KCNH8: variants seen among roughly 807,000 people sequenced by gnomAD.
KCNH8 encodes potassium voltage-gated channel subfamily H member 8, also known as voltage-gated delayed rectifier potassium channel KCNH8.
A neutral mutation model predicts 103.6 loss-of-function variants in KCNH8; 70 were observed. The ratio of observed to expected loss-of-function variants is 0.68; its 90% CI spans 0.56 to 0.82. KCNH8 has a LOEUF of 0.82. Ranked by LOEUF, KCNH8 falls within the 40% of genes least tolerant of loss-of-function variation. The probability of loss-of-function intolerance (pLI) is 0.00; values close to 1 mark genes in which losing one functional copy is unlikely to be tolerated. For synonymous variants in KCNH8, 498 were observed against 489.4 expected, an observed-to-expected ratio of 1.02 and a Z score of -0.23; for missense variants, 1,217 against 1,329.9, an observed-to-expected ratio of 0.92 and a Z score of 1.32.
chr3:19,217,160 G>A (rs149345051), intron 1 of KCNH8, among the ~76,000 whole-genome samples: 1 of 152,296 alleles, frequency 6.6e-6, no homozygotes, highest in African/African-American at 2.4e-5. Flanking sequence ...GATCATCACT[G>A]CTAATTCAAG....
At chr3:19,378,380 A>G (rs1473280168) in intron 5 of KCNH8, among the ~76,000 whole-genome samples, 1 of 152,164 alleles carries the variant, frequency 6.6e-6, no homozygotes, top group African/African-American at 2.4e-5. Flanking sequence ...TTCATTGTAC[A>G]ATAGAGTTGC....
chr3:19,462,725 G>A (rs1023797921), intron 11 of KCNH8, among the ~76,000 whole-genome samples: 1 of 152,196 alleles, frequency 6.6e-6, no homozygotes, highest in East Asian at 1.9e-4. Flanking sequence ...CCATGCTTAT[G>A]TCCTGAATGG....
intron 7 of KCNH8, among the ~76,000 whole-genome samples, chr3:19,404,655 G>A (rs533392368): frequency 4.6e-5 from 7 of 151,832 alleles, no homozygotes; most frequent in African/African-American, 7.2e-5. Flanking sequence ...CTGATCTTAG[G>A]GTGGCCTAAA....
chr3:19,419,353 C>G (rs1175624437), intron 7 of KCNH8, among the ~76,000 whole-genome samples: 3 of 151,550 alleles, frequency 2.0e-5, no homozygotes, highest in African/African-American at 7.3e-5. Context: ...GCGCCCGCCA[C>G]CACGCCCGGC....
chr3:19,305,338 T>A (rs2065116669), intron 3 of KCNH8, among the ~76,000 whole-genome samples: 1 of 152,156 alleles, frequency 6.6e-6, no homozygotes, highest in Non-Finnish European at 1.5e-5. Context: ...TACCTTGTAT[T>A]AGGTATCTAC....
intron 1 of KCNH8, among the ~76,000 whole-genome samples, chr3:19,174,765 T>A (rs549662714): frequency 1.1e-4 from 16 of 152,292 alleles, no homozygotes; most frequent in African/African-American, 3.6e-4. Context: ...ACTGTTAAAG[T>A]CTGGAGGGTT....
intron 11 of KCNH8, among the ~76,000 whole-genome samples, chr3:19,476,162 T>C (rs2067970966): frequency 1.3e-5 from 2 of 152,184 alleles, no homozygotes; most frequent in South Asian, 4.1e-4. Context: ...GACCCTCTAT[T>C]AGCCCTCTTC....
At chr3:19,352,773 A>G (rs542704734) in intron 5 of KCNH8, among the ~76,000 whole-genome samples, 1 of 152,340 alleles carries the variant, frequency 6.6e-6, no homozygotes, top group East Asian at 1.9e-4. Flanking sequence ...TGCCCACAAG[A>G]GAAAGCAGGA....
chr3:19,451,637 A>G (rs2067449696), intron 10 of KCNH8, among the ~76,000 whole-genome samples: 3 of 152,222 alleles, frequency 2.0e-5, no homozygotes, highest in Non-Finnish European at 4.4e-5. Context: ...ACATGAATAA[A>G]TAGTACTTTA....
At chr3:19,490,653 G>C (rs1308139895) in intron 11 of KCNH8, among the ~76,000 whole-genome samples, 1 of 152,086 alleles carries the variant, frequency 6.6e-6, no homozygotes, top group East Asian at 1.9e-4. Flanking sequence ...TTCTTTCTTT[G>C]GAGGCAGAAA....
intron 1 of KCNH8, among the ~76,000 whole-genome samples, chr3:19,225,011 A>T (rs1181213207): frequency 3.9e-5 from 6 of 152,126 alleles, no homozygotes; most frequent in Non-Finnish European, 8.8e-5. Context: ...GAAGACTGAG[A>T]AAGAAAAAGG....
chr3:19,318,064 T>A (rs2065298367), intron 3 of KCNH8, among the ~76,000 whole-genome samples: 1 of 151,962 alleles, frequency 6.6e-6, no homozygotes, highest in African/African-American at 2.4e-5. Flanking sequence ...CATGATCCTG[T>A]ATCTGGAAAT....
In KCNH8 at chr3:19,239,783, TA is replaced by T. The variant is rs1314802686; in HGVS notation, c.77-13867del. Among the ~76,000 whole-genome samples, 3 of 152,122 alleles carry T rather than the reference TA, an allele frequency of 2.0e-5. No individual in the cohort carries two copies. The East Asian group carries it at 5.8e-4, about 29-fold the overall frequency. On this transcript the variant is annotated intron_variant, in intron 1 of 15. Transcript: ENST00000328405. ...AGATAACTAAATCATGCATTTATAATAAAATTAAATTTATTTAACCTTAAAG... is the reference window on the plus strand; with the variant it reads ...AGATAACTAAATCATGCATTTATAATAAATTAAATTTATTTAACCTTAAAG...
intron 5 of KCNH8, among the ~76,000 whole-genome samples, chr3:19,380,278 A>ATGAC (rs2066271135): frequency 6.6e-6 from 1 of 152,192 alleles, no homozygotes; most frequent in Non-Finnish European, 1.5e-5. Context: ...ACAAATAAAA[A>ATGAC]TGACTGGCAA....
chr3:19,184,297 T>G (rs1399677335), intron 1 of KCNH8, among the ~76,000 whole-genome samples: 1 of 152,028 alleles, frequency 6.6e-6, no homozygotes, highest in Non-Finnish European at 1.5e-5. Context: ...TACAAGTATG[T>G]CACTGCTTAG....
chr3:19,155,521 G>A (rs1224518104), intron 1 of KCNH8, among the ~76,000 whole-genome samples: 4 of 152,214 alleles, frequency 2.6e-5, no homozygotes, highest in African/African-American at 9.6e-5. Flanking sequence ...CCTGCTTAGA[G>A]CCATCCGTTG....
At chr3:19,510,965 A>T (rs571798971) in intron 12 of KCNH8, among the ~76,000 whole-genome samples, 1 of 152,322 alleles carries the variant, frequency 6.6e-6, no homozygotes, top group East Asian at 1.9e-4. Context: ...TTTACTGAAG[A>T]TGATGGTGGA....
intron 1 of KCNH8, among the ~76,000 whole-genome samples, chr3:19,155,102 T>C (rs1416602706): frequency 6.6e-6 from 1 of 152,214 alleles, no homozygotes; most frequent in Non-Finnish European, 1.5e-5. Context: ...AATACAACCA[T>C]CTTTGTCACA....
At position 19,452,701 on chromosome 3, in the gene KCNH8, A is replaced by C. The variant is rs183876034; in HGVS notation, c.1825+1297A>C. Reference sequence around the variant, plus strand: ...TATTTTCAATTTTTAAGAACCTTGTATTTGTAAACAATTATTTGCAAAGTG... The same window carrying C: ...TATTTTCAATTTTTAAGAACCTTGTCTTTGTAAACAATTATTTGCAAAGTG... On this transcript the variant is annotated intron_variant, in intron 10 of 15. Coordinates refer to ENST00000328405, the MANE Select transcript of KCNH8 (RefSeq NM_144633.3). 3.8e-3 allele frequency among the ~76,000 whole-genome samples: 581 copies of C among 152,298 alleles called. 3 individuals are homozygous for C. The highest frequency in any genetic ancestry group is 0.013 in the African/African-American group (548 of 41,568).
Sources: gnomAD v4.1 joint callset for allele counts (sites outside exome capture counted in the v4.1 genomes callset) on GRCh38, gnomAD v4.1.1 for gene constraint, MANE v1.5 for transcripts, NCBI Gene and HGNC (gene_info 2026-07-23, HGNC 2026-07-21) for gene names.